Variants in SYT1 observed in about 807,000 individuals in gnomAD.
SYT1 encodes synaptotagmin-1.
SYT1 carries 8 observed loss-of-function variants against 44.8 expected under a neutral mutation model. The ratio of observed to expected loss-of-function variants is 0.18; its 90% confidence interval spans 0.10 to 0.32. The LOEUF (loss-of-function observed/expected upper bound fraction) is 0.32, where lower values mean the gene tolerates loss of function less well. Among genes scored for constraint, SYT1 ranks in the 10% least tolerant of loss-of-function variants. The pLI, the probability that SYT1 is intolerant of heterozygous loss-of-function variation, is 1.00. For synonymous variants in SYT1, 154 were observed against 188.8 expected (o/e 0.82, Z 1.51); for missense variants, 286 against 509.3 (o/e 0.56, Z 4.22).
intron 9 of SYT1, among the ~76,000 whole-genome samples, chr12:79,401,568 A>G (rs1885067335): frequency 6.6e-6 from 1 of 152,196 alleles, no homozygotes; most frequent in South Asian, 2.1e-4. Context: ...GAATTTCTGT[A>G]GAAAGAATTT....
At chr12:79,085,264 A>C (rs1332712481) in intron 3 of SYT1, among the ~76,000 whole-genome samples, 3 of 152,142 alleles carry the variant, frequency 2.0e-5, no homozygotes, top group African/African-American at 7.2e-5. Flanking sequence ...TACTACAGTG[A>C]AAAATTAATG....
intron 3 of SYT1, among the ~76,000 whole-genome samples, chr12:79,083,802 G>A (rs1877198492): frequency 6.6e-6 from 1 of 152,130 alleles, no homozygotes; most frequent in Non-Finnish European, 1.5e-5. Context: ...AGAAGCTTTA[G>A]CTGATATCTA....
At chr12:79,185,022 A>T (rs2138426642) in intron 3 of SYT1, among the ~76,000 whole-genome samples, 1 of 152,160 alleles carries the variant, frequency 6.6e-6, no homozygotes, top group East Asian at 1.9e-4. Context: ...GCAAACAGAA[A>T]TGTCACCTAG....
chr12:78,946,203 C>G (rs896689850), intron 1 of SYT1, among the ~76,000 whole-genome samples: 3 of 152,144 alleles, frequency 2.0e-5, no homozygotes, highest in Non-Finnish European at 4.4e-5. Context: ...AAAAGATCAT[C>G]TCTTCCAATG....
intron 3 of SYT1, among the ~76,000 whole-genome samples, chr12:79,150,441 G>T: frequency 6.6e-6 from 1 of 152,296 alleles, no homozygotes; most frequent in Non-Finnish European, 1.5e-5. Context: ...ACCAAAAGGT[G>T]TATTGGAGAA....
chr12:78,906,301 GA>G (rs1470335250), intron 1 of SYT1, among the ~76,000 whole-genome samples: 1 of 152,046 alleles, frequency 6.6e-6, no homozygotes, highest in African/African-American at 2.4e-5. Context: ...TGTTCTGAGG[GA>G]AAAATGTATT....
intron 3 of SYT1, among the ~76,000 whole-genome samples, chr12:79,128,062 G>A (rs1294442216): frequency 6.6e-6 from 1 of 152,004 alleles, no homozygotes; most frequent in East Asian, 1.9e-4. Context: ...AACATATAAG[G>A]GTGCATAGAT....
chr12:79,308,557 AAGAAAGG>A (rs1880547438), intron 8 of SYT1, among the ~76,000 whole-genome samples: 1 of 150,602 alleles, frequency 6.6e-6, no homozygotes, highest in Non-Finnish European at 1.5e-5. Flanking sequence ...AGAAAAAAGA[AAGAAAGG>A]AAAAGAAAGA....
At chr12:79,374,157 A>G (rs1883901156) in intron 9 of SYT1, among the ~76,000 whole-genome samples, 1 of 152,208 alleles carries the variant, frequency 6.6e-6, no homozygotes, top group Non-Finnish European at 1.5e-5. Flanking sequence ...CCTCTGTGAT[A>G]CTGTACATCA....
At chr12:79,355,061 C>T (rs1378147736) in intron 9 of SYT1, among the ~76,000 whole-genome samples, 1 of 151,948 alleles carries the variant, frequency 6.6e-6, no homozygotes, top group Non-Finnish European at 1.5e-5. Context: ...GAAATGAGTT[C>T]CCATCATCAT....
At chr12:78,945,404 G>A (rs2137269509) in intron 1 of SYT1, among the ~76,000 whole-genome samples, 1 of 150,496 alleles carries the variant, frequency 6.6e-6, no homozygotes, top group East Asian at 1.9e-4. Context: ...ATATGCATAT[G>A]TTATACATAT....
intron 2 of SYT1, among the ~76,000 whole-genome samples, chr12:78,988,844 T>A (rs550899554): frequency 6.6e-5 from 10 of 152,146 alleles, no homozygotes; most frequent in Non-Finnish European, 1.3e-4. Context: ...AGTTTCTGTA[T>A]AGAAGACAAT....
Position 79,044,645 on chromosome 12 carries a change from A to G in SYT1, c.-83-2652A>G, listed in dbSNP as rs553987536. 1.9e-3 allele frequency among the ~76,000 whole-genome samples: 284 copies of G among 150,080 alleles called. 1 individual carries two copies. Among genetic ancestry groups the G allele is most frequent in the Non-Finnish European group, 2.5e-3 (167 of 67,742 alleles). On this transcript the variant is annotated intron_variant, in intron 2 of 10. Coordinates refer to ENST00000261205, the MANE Select transcript of SYT1 (RefSeq NM_005639.3). ...TCTCAGCTCGTCAAAGTCATTCTCCATCCAGCTTTGTTCCGTTGCTGGTGA... is the reference window on the plus strand; with the variant it reads ...TCTCAGCTCGTCAAAGTCATTCTCCGTCCAGCTTTGTTCCGTTGCTGGTGA...
intron 1 of SYT1, among the ~76,000 whole-genome samples, chr12:78,873,178 C>A (rs565755599): frequency 6.6e-6 from 1 of 151,640 alleles, no homozygotes; most frequent in East Asian, 1.9e-4. Flanking sequence ...TTGTTACTTG[C>A]CTGCAATTAC....
At chr12:79,320,332 A>C (rs1388389204) in intron 8 of SYT1, among the ~76,000 whole-genome samples, 1 of 152,218 alleles carries the variant, frequency 6.6e-6, no homozygotes, top group African/African-American at 2.4e-5. Flanking sequence ...TAGTTACTAA[A>C]TGCTTGTCAT....
At chr12:79,355,581 T>C (rs908272003) in intron 9 of SYT1, among the ~76,000 whole-genome samples, 2 of 152,210 alleles carry the variant, frequency 1.3e-5, no homozygotes, top group Non-Finnish European at 2.9e-5. Flanking sequence ...CTCTAATCAC[T>C]TGAGTCTACA....
intron 2 of SYT1, among the ~76,000 whole-genome samples, chr12:79,014,144 A>G (rs533214554): frequency 1.2e-4 from 18 of 147,786 alleles, no homozygotes; most frequent in African/African-American, 3.7e-4. Context: ...AAAAAGAAAA[A>G]AAAAAAAAAG....
At chr12:78,874,752 C>T (rs1201077076) in intron 1 of SYT1, among the ~76,000 whole-genome samples, 1 of 151,582 alleles carries the variant, frequency 6.6e-6, no homozygotes, top group Non-Finnish European at 1.5e-5. Context: ...GTGGTCAGAA[C>T]CAAGCCTATT....
intron 3 of SYT1, among the ~76,000 whole-genome samples, chr12:79,190,336 C>A (rs1334929312): frequency 6.6e-6 from 1 of 151,996 alleles, no homozygotes; most frequent in African/African-American, 2.4e-5. Context: ...GAAAGCTCAG[C>A]AACTTATTGA....
Sources: allele counts gnomAD v4.1 joint callset (sites outside exome capture counted in the v4.1 genomes callset), GRCh38; gene constraint gnomAD v4.1.1; transcripts MANE v1.5; gene names NCBI Gene and HGNC (gene_info 2026-07-23, HGNC 2026-07-21).